ABI2: variants seen among roughly 807,000 people sequenced by gnomAD.
ABI2 encodes abelson interactor 2.
Under a neutral mutation model 59.2 loss-of-function variants are expected in ABI2, and 25 were observed. That is an observed-to-expected ratio of 0.42 (90% CI 0.31 to 0.59). The LOEUF is 0.59. Among genes scored for constraint, ABI2 ranks in the 20% least tolerant of loss-of-function variants. The probability of loss-of-function intolerance (pLI) is 0.14; values close to 1 mark genes in which losing one functional copy is unlikely to be tolerated. For missense variants in ABI2, 545 were observed against 681.8 expected (o/e 0.80, Z 2.23); for synonymous variants, 213 against 235.5 (o/e 0.90, Z 0.87).
At chr2:203,401,150 G>A (rs6712824) in intron 8 of ABI2, among the ~76,000 whole-genome samples, 112,141 of 151,930 alleles carry the variant, frequency 0.74, 42,486 homozygotes, top group Middle Eastern at 0.87. Flanking sequence ...AAATGTTTCA[G>A]TGGATTCTTT....
chr2:203,370,546 G>T (rs2095066856), intron 2 of ABI2, among the ~76,000 whole-genome samples: 1 of 152,178 alleles, frequency 6.6e-6, no homozygotes, highest in African/African-American at 2.4e-5. Flanking sequence ...CAGGCAGCGG[G>T]CCACATTCTG....
At chr2:203,413,471 A>G (rs1312858868) in intron 10 of ABI2, among the ~76,000 whole-genome samples, 2 of 152,218 alleles carry the variant, frequency 1.3e-5, no homozygotes, top group Non-Finnish European at 2.9e-5. Context: ...AAACATTATT[A>G]TAGCAGCACT....
chr2:203,388,759 G>C (rs948378376), intron 4 of ABI2, among the ~76,000 whole-genome samples: 1 of 151,800 alleles, frequency 6.6e-6, no homozygotes, highest in Admixed American at 6.6e-5. Flanking sequence ...TTTTTTTGGT[G>C]GGGGGCGGGT....
intron 8 of ABI2, among the ~76,000 whole-genome samples, chr2:203,400,853 C>T (rs2097190164): frequency 6.6e-6 from 1 of 152,080 alleles, no homozygotes. Context: ...AAGATAGTCT[C>T]ATATTAAGGT....
At position 203,395,745 on chromosome 2, in the gene ABI2, C is replaced by T. The variant is rs1445375404; in HGVS notation, c.815C>T (p.Ala272Val). 1 of 1,609,354 alleles carries T rather than the reference C, an allele frequency of 6.2e-7. No homozygotes were observed. Among genetic ancestry groups the T allele is most frequent in the African/African-American group, 1.3e-5 (1 of 74,598 alleles). ...AGTGGTAGTGTGGGGGTTCCTATTG[C>T]TGTTCCTACTCCATCTCCTCCCAGT... ...SGSGSVGVPI[A>V]VPTPSPPSVF... The change falls in exon 7 of 12, where the codon GCT becomes GTT. Residue 272 changes from alanine to valine, a missense_variant. By Grantham distance (64) the Ala-to-Val change is moderately conservative. This residue lies in a region of ABI2 where 410 missense variants were observed against 435.6 expected (regional missense o/e 0.94). Transcript: ENST00000261018.
At chr2:203,339,323 T>G (rs2078490320) in intron 1 of ABI2, among the ~76,000 whole-genome samples, 1 of 151,828 alleles carries the variant, frequency 6.6e-6, no homozygotes, top group Admixed American at 6.6e-5. Flanking sequence ...CTCATGCCTG[T>G]AATCCCAGCA....
intron 1 of ABI2, among the ~76,000 whole-genome samples, chr2:203,350,713 T>C (rs983917337): frequency 3.3e-5 from 5 of 151,838 alleles, no homozygotes; most frequent in African/African-American, 9.7e-5. Context: ...CTAATTTTTA[T>C]ATTTTTATTA....
At chr2:203,392,967 C>CT (rs34801404) in intron 5 of ABI2, among the ~76,000 whole-genome samples, 102,313 of 149,584 alleles carry the variant, frequency 0.68, 36,581 homozygotes, top group Middle Eastern at 0.84. Flanking sequence ...TCCTTTGCTC[C>CT]TTTTTTTTTT....
Position 203,430,287 on chromosome 2 carries a change from T to A in ABI2, c.*2935T>A, listed in dbSNP as rs1440121887. ...CTTACATGCTGTGTACTATTAATAT[T>A]ATAACAGACGATCCAAGTCCAAAAT... is the stretch of plus-strand genomic sequence containing the variant. On this transcript the variant is annotated 3_prime_UTR_variant, in exon 12 of 12. Coordinates refer to ENST00000261018, the MANE Select transcript of ABI2 (RefSeq NM_001375670.1). 1 of 152,120 alleles carries A rather than the reference T, an allele frequency of 6.6e-6. No individual in the cohort carries two copies. Among genetic ancestry groups the A allele is most frequent in the Admixed American group, 6.6e-5 (1 of 15,256 alleles). 9.4% of individuals were successfully genotyped at this position (152,120 alleles called of 1,614,324 possible).
intron 1 of ABI2, among the ~76,000 whole-genome samples, chr2:203,364,135 C>A (rs1037027698): frequency 6.7e-6 from 1 of 149,800 alleles, no homozygotes; most frequent in Admixed American, 6.7e-5. Flanking sequence ...AGTTTCTTGT[C>A]CAGGTTGGGG....
intron 1 of ABI2, among the ~76,000 whole-genome samples, chr2:203,351,971 C>T (rs576863079): frequency 7.2e-4 from 109 of 152,238 alleles, no homozygotes; most frequent in African/African-American, 2.1e-3. Flanking sequence ...ACATGGTAGC[C>T]GTCCTAATGT....
At chr2:203,333,894 ATAAT>A (rs1323936485) in intron 1 of ABI2, among the ~76,000 whole-genome samples, 4 of 151,838 alleles carry the variant, frequency 2.6e-5, no homozygotes, top group Non-Finnish European at 5.9e-5. Flanking sequence ...CTTTACCAAA[ATAAT>A]TAATTAATAA....
rs2098467273 is a variant in ABI2 at position 203,429,718 on chromosome 2, C to T, written c.*2366C>T. On this transcript the variant is annotated 3_prime_UTR_variant, in exon 12 of 12. Transcript: ENST00000261018. ...GTTGCAGTGAGCCGAGATTGTGCCA[C>T]TGCACTCCAGCCTGGTGACAGAGCG... 6.7e-6 allele frequency: 1 copy of T among 148,392 alleles called. No homozygotes were observed. The highest frequency in any genetic ancestry group is 2.1e-4 in the South Asian group (1 of 4,708). The allele number at this position is 148,392 out of a possible 1,614,324, so 9.2% of individuals were successfully genotyped here. A position where few individuals can be genotyped will look rare whatever the true frequency, so the allele number is the denominator to read the frequency against.
intron 1 of ABI2, among the ~76,000 whole-genome samples, chr2:203,344,215 A>C (rs1027216043): frequency 1.3e-5 from 2 of 152,238 alleles, no homozygotes; most frequent in African/African-American, 4.8e-5. Context: ...CCATCTTACA[A>C]TTATAAGAAA....
chr2:203,402,939 C>G (rs139649339), intron 9 of ABI2, among the ~76,000 whole-genome samples: 2 of 152,262 alleles, frequency 1.3e-5, no homozygotes, highest in Admixed American at 1.3e-4. Context: ...CACGTAAAGT[C>G]ATACAACTTA....
chr2:203,366,852 A>T, intron 1 of ABI2, 25 bp from the exon 2 acceptor site: 3 of 1,515,766 alleles, frequency 2.0e-6, no homozygotes, highest in Non-Finnish European at 1.8e-6. Flanking sequence ...TGAATTAATG[A>T]TCACTGGTTT....
At chr2:203,383,485 C>T (rs1356510472) in intron 4 of ABI2, among the ~76,000 whole-genome samples, 9 of 152,238 alleles carry the variant, frequency 5.9e-5, no homozygotes, top group Middle Eastern at 3.4e-3. Flanking sequence ...TAGAAATACA[C>T]GGAAAGTTTA....
Position 203,379,420 on chromosome 2 carries a change from G to A in ABI2, c.286-788G>A, listed in dbSNP as rs559601873. Reference sequence around the variant, plus strand: ...GTGCTGTCATACCCAGCTACTTTTTGTAGAGACGGGGTTTCGCCATGTTGC... The same window carrying A: ...GTGCTGTCATACCCAGCTACTTTTTATAGAGACGGGGTTTCGCCATGTTGC... On this transcript the variant is annotated intron_variant, in intron 2 of 11. Transcript: ENST00000261018. Among the ~76,000 whole-genome samples, 7 of 152,216 alleles carry A rather than the reference G, an allele frequency of 4.6e-5. No individual in the cohort carries two copies. The East Asian group carries it at 1.4e-3, about 29-fold the overall frequency.
rs1271546938 is a variant in ABI2 at position 203,431,075 on chromosome 2, T to G, written c.*3723T>G. On this transcript the variant is annotated 3_prime_UTR_variant, in exon 12 of 12. Transcript: ENST00000261018. ...GGAATTCACAGGTGACTGACAAGTC[T>G]TTGAAAAGAATGGGATCTGCTCACT... The G allele has an allele frequency of 1.3e-5, 2 of 152,226 alleles. No homozygotes were observed. Among genetic ancestry groups the G allele is most frequent in the Non-Finnish European group, 2.9e-5 (2 of 68,030 alleles). 9.4% of individuals were successfully genotyped at this position (152,226 alleles called of 1,614,324 possible).
Sources: allele counts gnomAD v4.1 joint callset (sites outside exome capture counted in the v4.1 genomes callset), GRCh38; gene constraint gnomAD v4.1.1; regional missense constraint gnomAD v4.1.1; transcripts MANE v1.5; gene names NCBI Gene and HGNC (gene_info 2026-07-23, HGNC 2026-07-21).